Variants in XRRA1 observed in about 807,000 individuals in gnomAD.
XRRA1 encodes X-ray radiation resistance-associated protein 1.
XRRA1 carries 69 observed loss-of-function variants against 80.2 expected under a neutral mutation model. The observed-to-expected ratio is 0.86, with a 90% CI of 0.71 to 1.05. The LOEUF (loss-of-function observed/expected upper bound fraction) is 1.05, where lower values mean the gene tolerates loss of function less well. Ranked by LOEUF, XRRA1 falls within the 50% of genes least tolerant of loss-of-function variation. XRRA1 has a pLI of 0.00. For synonymous variants in XRRA1, 348 were observed against 389.9 expected, an observed-to-expected ratio of 0.89 and a Z score of 1.27; for missense variants, 967 against 976.4, an observed-to-expected ratio of 0.99 and a Z score of 0.13.
chr11:74,852,474 T>C (rs2040118730), intron 12 of XRRA1, among the ~76,000 whole-genome samples: 2 of 152,232 alleles, frequency 1.3e-5, no homozygotes, highest in Admixed American at 6.5e-5. Flanking sequence ...TGGCAGGGCA[T>C]TGACTTTAAC....
At position 74,841,417 on chromosome 11, in the gene XRRA1, T is replaced by C. The variant is rs1166640643; in HGVS notation, c.*1783A>G. ...TGCTGTAGCTTTCTGAAGAAGATTG[T>C]AGAAAAGAGACTAAGATATATGCAA... On this transcript the variant is annotated 3_prime_UTR_variant, in exon 19 of 19. Transcript: ENST00000684022. The C allele has an allele frequency of 6.6e-6, 1 of 152,188 alleles. No homozygotes were observed. The highest frequency in any genetic ancestry group is 1.5e-5 in the Non-Finnish European group (1 of 68,032). 9.4% of individuals were successfully genotyped at this position (152,188 alleles called of 1,614,324 possible). A position where few individuals can be genotyped will look rare whatever the true frequency, so the allele number is the denominator to read the frequency against.
In XRRA1 at chr11:74,867,917, C is replaced by CTTTTTT. The variant is rs60520990; in HGVS notation, c.1004-4902_1004-4897dup. 5.7e-3 allele frequency among the ~76,000 whole-genome samples: 605 copies of CTTTTTT among 106,700 alleles called. 61 individuals carry two copies. The highest frequency in any genetic ancestry group is 0.015 in the Middle Eastern group (3 of 200). The allele number at this position is 106,700 out of a possible 152,430, so 70.0% of individuals were successfully genotyped here. A position where few individuals can be genotyped will look rare whatever the true frequency, so the allele number is the denominator to read the frequency against. On this transcript the variant is annotated intron_variant, in intron 10 of 18. Transcript: ENST00000684022. ...AGGAGAATGGGGGCCTATAGTCAAT[C>CTTTTTT]TTTTTTTTTTTTTTTTTTTCTGAGA...
intron 10 of XRRA1, among the ~76,000 whole-genome samples, chr11:74,872,937 A>T (rs184489770): frequency 6.6e-6 from 1 of 152,232 alleles, no homozygotes; most frequent in Admixed American, 6.5e-5. Context: ...CCTTAGTTGT[A>T]GTTGGGAGGA....
At chr11:74,936,751 C>T (rs2139739436) in intron 4 of XRRA1, 133 bp downstream of exon 4, 2 of 1,175,678 alleles carry the variant, frequency 1.7e-6, no homozygotes, top group Non-Finnish European at 2.3e-6. Flanking sequence ...CCTGGCTGTA[C>T]TCAATTTGCC....
chr11:74,857,777 C>G (rs756801654), intron 12 of XRRA1, among the ~76,000 whole-genome samples: 2 of 152,114 alleles, frequency 1.3e-5, no homozygotes, highest in Non-Finnish European at 2.9e-5. Context: ...GTTATCTGCA[C>G]ACAAAATAGA....
chr11:74,844,793 G>C (rs189860547), intron 16 of XRRA1, among the ~76,000 whole-genome samples: 38 of 152,254 alleles, frequency 2.5e-4, no homozygotes, highest in African/African-American at 8.4e-4. Flanking sequence ...CCTGAGGAGA[G>C]ACTTTATCAT....
At chr11:74,896,157 G>T (rs1399238895) in intron 10 of XRRA1, among the ~76,000 whole-genome samples, 3 of 152,240 alleles carry the variant, frequency 2.0e-5, no homozygotes, top group Non-Finnish European at 4.4e-5. Flanking sequence ...AAAAGTAAAA[G>T]AGAGTTTGTC....
chr11:74,843,915 T>C lies in XRRA1; in HGVS notation c.2088A>G (p.Gln696=), dbSNP rs1591465048. Residue 696 remains glutamine (Q), a synonymous_variant, in exon 18 of 19, where the codon CAA becomes CAG. Transcript: ENST00000684022. ...PIPPPKKTRA[Q]LLDDIFIRLR... ...AGCGAATGAAGATGTCATCCAGAAGTTGGGCTCTAGTCTTCTTTGGGGGTG... is the reference window on the plus strand; with the variant it reads ...AGCGAATGAAGATGTCATCCAGAAGCTGGGCTCTAGTCTTCTTTGGGGGTG... The C allele has an allele frequency of 1.2e-6, 2 of 1,613,702 alleles. No homozygotes were observed. The highest frequency in any genetic ancestry group is 1.7e-6 in the Non-Finnish European group (2 of 1,179,790).
chr11:74,864,421 C>CA (rs1277348483), intron 10 of XRRA1, among the ~76,000 whole-genome samples: 1 of 152,204 alleles, frequency 6.6e-6, no homozygotes, highest in Non-Finnish European at 1.5e-5. Context: ...CACACCCGCC[C>CA]ACAGTCAAAA....
chr11:74,863,094 TCTGCCATCCA>T, intron 10 of XRRA1, 73 bp from the exon 11 acceptor site: 2 of 1,396,154 alleles, frequency 1.4e-6, no homozygotes, highest in Non-Finnish European at 2.0e-6. Flanking sequence ...AGGATATAGG[TCTGCCATCCA>T]CTGTGTGCAG....
intron 10 of XRRA1, among the ~76,000 whole-genome samples, chr11:74,881,593 A>G (rs377753810): frequency 0.067 from 10,083 of 150,196 alleles, 549 homozygotes; most frequent in African/African-American, 0.24. Context: ...ATTTTGCAGC[A>G]GCTGGTACCG....
In XRRA1 at chr11:74,879,779, G is replaced by A. The variant is rs1199169311; in HGVS notation, c.1004-16758C>T. 6.8e-4 allele frequency among the ~76,000 whole-genome samples: 101 copies of A among 147,622 alleles called. No individual in the cohort carries two copies. The South Asian group carries it at 0.018, about 27-fold the overall frequency. ...TGCTGGATTACATTTATTGATTTGC[G>A]TATATTGAACCAGCCTTGCATCCCA... is the stretch of plus-strand genomic sequence containing the variant. On this transcript the variant is annotated intron_variant, in intron 10 of 18. Transcript: ENST00000684022.
intron 10 of XRRA1, among the ~76,000 whole-genome samples, chr11:74,880,244 T>C (rs1216462675): frequency 6.6e-6 from 1 of 152,270 alleles, no homozygotes; most frequent in African/African-American, 2.4e-5. Context: ...TTTTCTAGTT[T>C]ATTTGCATAG....
Position 74,921,197 on chromosome 11 carries a change from C to T in XRRA1, c.656+17G>A, listed in dbSNP as rs376044392. On this transcript the variant is annotated intron_variant, in intron 8 of 18. Coordinates refer to ENST00000684022, the MANE Select transcript of XRRA1 (RefSeq NM_001378157.1). ...GTACACAAAAACACAGAATGGACTC[C>T]AGGAGGTAGAACTTACTGTTCTGCG... The T allele has an allele frequency of 1.2e-6, 2 of 1,612,020 alleles. No individual in the cohort carries two copies. Among genetic ancestry groups the T allele is most frequent in the Non-Finnish European group, 1.7e-6 (2 of 1,178,538 alleles).
At position 74,914,708 on chromosome 11, in the gene XRRA1, CTT is replaced by C. The variant is rs67132744; in HGVS notation, c.656+6504_656+6505del. On this transcript the variant is annotated intron_variant, in intron 8 of 18. Transcript: ENST00000684022. ...AGTTATGCCCTATTCTGCAGATAAC[CTT>C]TTTTTTTTTTTTTTGAAAAACAATT... is the stretch of plus-strand genomic sequence containing the variant. 4.6e-3 allele frequency among the ~76,000 whole-genome samples: 634 copies of C among 137,758 alleles called. 3 individuals carry two copies. The highest frequency in any genetic ancestry group is 0.013 in the African/African-American group (481 of 37,598). 90.4% of individuals were successfully genotyped at this position (137,758 alleles called of 152,430 possible). A position where few individuals can be genotyped will look rare whatever the true frequency, so the allele number is the denominator to read the frequency against.
intron 6 of XRRA1, among the ~76,000 whole-genome samples, chr11:74,928,210 T>C (rs1464056970): frequency 6.6e-6 from 1 of 152,248 alleles, no homozygotes; most frequent in African/African-American, 2.4e-5. Context: ...GCCTTGTTCC[T>C]CTGGTAACCT....
At chr11:74,927,966 A>T (rs1942673880) in intron 6 of XRRA1, among the ~76,000 whole-genome samples, 2 of 152,162 alleles carry the variant, frequency 1.3e-5, no homozygotes, top group Admixed American at 6.5e-5. Context: ...ACAAAAATAG[A>T]GTCATACTGT....
intron 4 of XRRA1, among the ~76,000 whole-genome samples, chr11:74,935,578 C>T (rs1377082807): frequency 2.0e-5 from 3 of 152,100 alleles, no homozygotes; most frequent in Non-Finnish European, 4.4e-5. Context: ...GGGGTGGGGA[C>T]AGTGTGGGAG....
rs562582299 is a variant in XRRA1, at chr11:74,937,840, G to A, written c.95-772C>T. 7.2e-5 allele frequency among the ~76,000 whole-genome samples: 11 copies of A among 152,208 alleles called. No individual in the cohort carries two copies. In the South Asian group the frequency reaches 2.1e-3, roughly 29 times the overall value. Reference sequence around the variant, plus strand: ...TCTCCCTCTCTAGAGTGGAAGCTCCGTAAGAGCAGGGACTTTATCTGACTC... The same window carrying A: ...TCTCCCTCTCTAGAGTGGAAGCTCCATAAGAGCAGGGACTTTATCTGACTC... On this transcript the variant is annotated intron_variant, in intron 3 of 18. Transcript: ENST00000684022.
Sources: allele counts gnomAD v4.1 joint callset (sites outside exome capture counted in the v4.1 genomes callset), GRCh38; gene constraint gnomAD v4.1.1; transcripts MANE v1.5; gene names NCBI Gene and HGNC (gene_info 2026-07-23, HGNC 2026-07-21).